PARP1: variants seen among roughly 807,000 people sequenced by gnomAD.
PARP1 encodes poly [ADP-ribose] polymerase 1.
PARP1 carries 44 observed loss-of-function variants against 118.7 expected under a neutral mutation model. That is an observed-to-expected ratio of 0.37 (90% CI 0.29 to 0.48). PARP1 has a LOEUF of 0.48. Ranked by LOEUF, PARP1 falls within the 20% of genes least tolerant of loss-of-function variation. PARP1 has a pLI of 0.99. For synonymous variants in PARP1, 492 were observed against 483.2 expected, an observed-to-expected ratio of 1.02 and a Z score of -0.24; for missense variants, 1,100 against 1,272.4, an observed-to-expected ratio of 0.86 and a Z score of 2.06.
chr1:226,361,912 ACT>A, intron 22 of PARP1, 55 bp downstream of exon 22: 1 of 1,030,708 alleles, frequency 9.7e-7, no homozygotes, highest in Non-Finnish European at 1.5e-6. Flanking sequence ...CACATAAGTG[ACT>A]CTGTAGCTCG....
At chr1:226,394,125 G>T (rs1030314862) in intron 2 of PARP1, among the ~76,000 whole-genome samples, 2 of 150,194 alleles carry the variant, frequency 1.3e-5, no homozygotes, top group Non-Finnish European at 3.0e-5. Context: ...GAGGCAGGAG[G>T]ATCACTTGAG....
rs115098026 is a variant in PARP1 at position 226,364,014 on chromosome 1, G to A, written c.2715C>T (p.Ala905=). The A allele has an allele frequency of 1.2e-6, 2 of 1,613,702 alleles. No homozygotes were observed. The highest frequency in any genetic ancestry group is 1.3e-5 in the African/African-American group (1 of 75,014). ...IYFADMVSKS[A]NYCHTSQGDP... is the part of the protein sequence containing the mutation. ...CTCCCTGAGACGTATGGCAGTAGTT[G>A]GCACTCTTGGAGACCATGTCAGCGA... The change falls in exon 20 of 23, where the codon GCC becomes GCT. Residue 905 remains alanine, a synonymous_variant. Transcript: ENST00000366794.
chr1:226,393,615 T>C (rs1289431822), intron 2 of PARP1, among the ~76,000 whole-genome samples: 1 of 152,166 alleles, frequency 6.6e-6, no homozygotes, highest in Non-Finnish European at 1.5e-5. Flanking sequence ...TGTAAGAGGG[T>C]ATACAATTCC....
At chr1:226,367,659 A>C in intron 16 of PARP1, 51 bp from the exon 17 acceptor site, 1 of 1,608,012 alleles carries the variant, frequency 6.2e-7, no homozygotes, top group Non-Finnish European at 8.5e-7. Context: ...TGAATGAGAC[A>C]GACTCACCCA....
chr1:226,365,263 A>G (rs1171616730), intron 18 of PARP1, 109 bp from the exon 19 acceptor site: 11 of 1,199,270 alleles, frequency 9.2e-6, no homozygotes, highest in African/African-American at 3.0e-5. Context: ...CCCTAAGGCT[A>G]GAAGACTTAA....
At chr1:226,384,255 G>A (rs1198337080) in intron 7 of PARP1, among the ~76,000 whole-genome samples, 1 of 152,240 alleles carries the variant, frequency 6.6e-6, no homozygotes, top group Non-Finnish European at 1.5e-5. Context: ...AAGACTGGCG[G>A]TGGGGTGGGG....
At chr1:226,380,309 A>G in intron 9 of PARP1, 145 bp from the exon 10 acceptor site, 2 of 847,818 alleles carry the variant, frequency 2.4e-6, no homozygotes, top group South Asian at 3.1e-5. Context: ...TGCTCCCAAG[A>G]GTGTTTTTAT....
chr1:226,405,760 C>T (rs1665135225), intron 1 of PARP1, among the ~76,000 whole-genome samples: 1 of 152,142 alleles, frequency 6.6e-6, no homozygotes, highest in Non-Finnish European at 1.5e-5. Flanking sequence ...GGTACTCTGC[C>T]CACCTGTTAA....
chr1:226,394,280 C>T (rs1283101038), intron 2 of PARP1, among the ~76,000 whole-genome samples: 2 of 152,182 alleles, frequency 1.3e-5, no homozygotes, highest in Non-Finnish European at 2.9e-5. Context: ...TTGCTTAAGT[C>T]TAGGAGTTCA....
intron 22 of PARP1, 69 bp from the exon 23 acceptor site, chr1:226,361,610 C>T (rs1664141041): frequency 8.7e-7 from 1 of 1,149,940 alleles, no homozygotes; most frequent in Non-Finnish European, 1.3e-6. Context: ...CTCATCTCCC[C>T]CAGGCTGGCA....
At position 226,368,265 on chromosome 1, in the gene PARP1, GT is replaced by G. The variant is rs1664312669; in HGVS notation, c.2210del (p.Tyr737SerfsTer3). ...TCCCAAAGTCGTGGGGGATCAGGGT[GT>G]AAAAGCGATTTGAGAGATCCAGGAT... ...SQILDLSNRF[Y>X]TLIPHDFGMK... On this transcript the variant is annotated frameshift_variant, in exon 16 of 23. Transcript: ENST00000366794. LOFTEE classifies it high-confidence loss of function. 6.2e-7 allele frequency: 1 copy of G among 1,614,230 alleles called. No individual in the cohort carries two copies. The highest frequency in any genetic ancestry group is 2.2e-5 in the East Asian group (1 of 44,884).
intron 12 of PARP1, among the ~76,000 whole-genome samples, chr1:226,377,518 C>A (rs1380196733): frequency 6.6e-6 from 1 of 152,080 alleles, no homozygotes; most frequent in Non-Finnish European, 1.5e-5. Context: ...ACAAAAAATG[C>A]CAAAGAATAG....
chr1:226,406,341 GAGCTCCTGCACC>G (rs1339385787), intron 1 of PARP1, among the ~76,000 whole-genome samples: 1 of 152,208 alleles, frequency 6.6e-6, no homozygotes, highest in African/African-American at 2.4e-5. Context: ...CCTGGGTTAA[GAGCTCCTGCACC>G]AGGAGTGAGA....
intron 15 of PARP1, among the ~76,000 whole-genome samples, chr1:226,369,330 C>T (rs1173680497): frequency 6.6e-6 from 1 of 152,222 alleles, no homozygotes; most frequent in East Asian, 1.9e-4. Flanking sequence ...GCCAGGCCTG[C>T]ACCCACCCAC....
rs111635488 is a variant in PARP1 at position 226,386,417 on chromosome 1, A to G, written c.743T>C (p.Ile248Thr). Residue 248 changes from isoleucine (I) to threonine (T), a missense_variant, in exon 6 of 23, where the codon ATC becomes ACC. By Grantham distance (89) the Ile-to-Thr change is moderately conservative. This residue lies in a region of PARP1 where 948 missense variants were observed against 1,031.8 expected (regional missense o/e 0.92). Transcript: ENST00000366794. ...LKAQNDLIWN[I>T]KDELKKVCST... ...ACACACTTTCTTTAGCTCGTCCTTG[A>G]TGTTCCAGATCAGGTCGTTCTGAGC... The G allele has an allele frequency of 8.1e-6, 13 of 1,613,664 alleles. No individual in the cohort carries two copies. Among genetic ancestry groups the G allele is most frequent in the Non-Finnish European group, 1.1e-5 (13 of 1,179,554 alleles).
At chr1:226,379,775 A>G (rs1360207983) in intron 10 of PARP1, 134 bp from the exon 11 acceptor site, 2 of 1,402,984 alleles carry the variant, frequency 1.4e-6, no homozygotes, top group African/African-American at 1.4e-5. Flanking sequence ...TACTCCCGCC[A>G]CCCCAAAGCG....
At chr1:226,382,167 C>T (rs866411871) in intron 8 of PARP1, among the ~76,000 whole-genome samples, 4 of 152,208 alleles carry the variant, frequency 2.6e-5, no homozygotes, top group African/African-American at 9.7e-5. Flanking sequence ...CCCTCATCCT[C>T]CACCCACCAA....
intron 1 of PARP1, 145 bp from the exon 2 acceptor site, chr1:226,402,524 AGGACAGCCTCC>A: frequency 1.3e-6 from 1 of 789,516 alleles, no homozygotes; most frequent in Non-Finnish European, 2.1e-6. Context: ...CTGTGAAAGG[AGGACAGCCTCC>A]GCTCTCACAT....
intron 19 of PARP1, chr1:226,364,292 A>C (rs1035132594): frequency 1.9e-6 from 1 of 528,072 alleles, no homozygotes; most frequent in Middle Eastern, 5.3e-4. Flanking sequence ...GAAGCTACGT[A>C]ACCTCTCTGG....
Sources: allele counts gnomAD v4.1 joint callset (sites outside exome capture counted in the v4.1 genomes callset), GRCh38; gene constraint gnomAD v4.1.1; regional missense constraint gnomAD v4.1.1; transcripts MANE v1.5; gene names NCBI Gene and HGNC (gene_info 2026-07-23, HGNC 2026-07-21).